Variants in SLC38A11 observed in about 807,000 individuals in gnomAD.
The protein encoded by SLC38A11 is putative sodium-coupled neutral amino acid transporter 11.
In SLC38A11, 51 loss-of-function variants were observed where a neutral mutation model predicts 49.4. The observed-to-expected ratio is 1.03, with a 90% CI of 0.83 to 1.30. SLC38A11 has a LOEUF of 1.30. Ranked by LOEUF, SLC38A11 falls within the 50% of genes most tolerant of loss-of-function variation. The pLI is 0.00. For synonymous variants in SLC38A11, 203 were observed against 192.9 expected (o/e 1.05, Z -0.43); for missense variants, 574 against 556.2 (o/e 1.03, Z -0.32).
Position 164,944,574 on chromosome 2 carries a change from G to A in SLC38A11, c.425C>T (p.Pro142Leu), listed in dbSNP as rs1687983845. ...CAATTTTTATTTTGGCTTACCTCCT[G>A]GGATTCTTTGAAAAACTTTGCTCAA... is the stretch of plus-strand genomic sequence containing the variant. ...DTLSKVFQRI[P>L]GVDPENVFIG... The change falls in exon 5 of 12, where the codon CCA (proline) becomes CTA (leucine). Residue 142 changes from proline (P) to leucine (L), a missense_variant. Physicochemically the swap from Pro to Leu is moderately conservative, Grantham distance 98. Coordinates refer to ENST00000685975, the MANE Select transcript of SLC38A11 (RefSeq NM_001351537.2). 2 of 1,328,004 alleles carry A rather than the reference G, an allele frequency of 1.5e-6. No individual in the cohort carries two copies. Among genetic ancestry groups the A allele is most frequent in the African/African-American group, 1.5e-5 (1 of 66,298 alleles). 82.3% of individuals were successfully genotyped at this position (1,328,004 alleles called of 1,614,324 possible).
rs200284770 is a variant in SLC38A11, at chr2:164,947,117, C to CTTTTTTTT, written c.230-1398_230-1391dup. ...CCTGGATTCTTGGACTTTTTTATCT[C>CTTTTTTTT]TTTTTTTTTTTTTTTTTTTTTTTTT... On this transcript the variant is annotated intron_variant, in intron 3 of 11. Coordinates refer to ENST00000685975, the MANE Select transcript of SLC38A11 (RefSeq NM_001351537.2). Among the ~76,000 whole-genome samples the CTTTTTTTT allele has an allele frequency of 4.0e-3, 291 of 72,844 alleles. 52 individuals carry two copies. The highest frequency in any genetic ancestry group is 0.018 in the African/African-American group (233 of 12,956). 47.8% of individuals were successfully genotyped at this position (72,844 alleles called of 152,430 possible). A position where few individuals can be genotyped will look rare whatever the true frequency, so the allele number is the denominator to read the frequency against.
intron 7 of SLC38A11, among the ~76,000 whole-genome samples, chr2:164,926,064 C>A (rs1289809683): frequency 6.6e-6 from 1 of 152,112 alleles, no homozygotes; most frequent in Non-Finnish European, 1.5e-5. Context: ...CCAGTCTTAT[C>A]CTTATATCAT....
intron 11 of SLC38A11, among the ~76,000 whole-genome samples, chr2:164,899,890 T>C (rs773849944): frequency 2.0e-5 from 3 of 152,086 alleles, no homozygotes; most frequent in Non-Finnish European, 4.4e-5. Context: ...TCTGTAGACT[T>C]GTTCATCCTA....
chr2:164,946,798 T>C (rs145247206), intron 3 of SLC38A11, among the ~76,000 whole-genome samples: 29 of 152,230 alleles, frequency 1.9e-4, no homozygotes, highest in East Asian at 3.9e-4. Flanking sequence ...AATATGGAAA[T>C]GCATTAAAAT....
chr2:164,901,420 T>C (rs1394621894), intron 11 of SLC38A11, among the ~76,000 whole-genome samples: 1 of 152,166 alleles, frequency 6.6e-6, no homozygotes, highest in Non-Finnish European at 1.5e-5. Context: ...CATTTATTTG[T>C]GTCTTTTTCA....
At chr2:164,901,411 A>G (rs1684643620) in intron 11 of SLC38A11, among the ~76,000 whole-genome samples, 1 of 151,930 alleles carries the variant, frequency 6.6e-6, no homozygotes, top group Non-Finnish European at 1.5e-5. Flanking sequence ...TATATGTTCC[A>G]TTTATTTGTG....
At position 164,898,654 on chromosome 2, in the gene SLC38A11, G is replaced by A. The variant is rs1193780760; in HGVS notation, c.1172C>T (p.Thr391Ile). 3 of 1,613,380 alleles carry A rather than the reference G, an allele frequency of 1.9e-6. No homozygotes were observed. In the African/African-American group the frequency reaches 4.0e-5, roughly 22 times the overall value. Residue 391 changes from threonine (T) to isoleucine (I), a missense_variant, in exon 12 of 12, where the codon ACA becomes ATA. Transcript: ENST00000685975. ...CYLKLSEEPRTHSDKIMSCVM... is the reference protein window; with the variant it reads ...CYLKLSEEPRIHSDKIMSCVM... ...ACAAGACATAATCTTATCGGAGTGT[G>A]TCCTTGGTTCTTCAGACAGTTTCAG...
intron 3 of SLC38A11, 73 bp downstream of exon 3, chr2:164,952,628 ATGTGTG>A (rs35633373): frequency 3.6e-5 from 29 of 812,222 alleles, no homozygotes; most frequent in South Asian, 5.9e-5. Flanking sequence ...CAGTTGCAGC[ATGTGTG>A]TGTGTGTGTG....
At chr2:164,923,148 C>T (rs557655069) in intron 7 of SLC38A11, among the ~76,000 whole-genome samples, 1 of 152,302 alleles carries the variant, frequency 6.6e-6, no homozygotes, top group South Asian at 2.1e-4. Context: ...AAATACCCTT[C>T]CCGACATTGG....
At chr2:164,941,398 T>G (rs1456637249) in intron 5 of SLC38A11, among the ~76,000 whole-genome samples, 2 of 152,058 alleles carry the variant, frequency 1.3e-5, no homozygotes, top group Admixed American at 6.6e-5. Flanking sequence ...AAATAGAGCT[T>G]TGGTAAGAAT....
chr2:164,921,897 G>A (rs147174331), intron 7 of SLC38A11, among the ~76,000 whole-genome samples: 14 of 152,208 alleles, frequency 9.2e-5, no homozygotes, highest in African/African-American at 3.1e-4. Context: ...CCTTACCCTG[G>A]AAAATCTAAA....
intron 11 of SLC38A11, among the ~76,000 whole-genome samples, chr2:164,900,354 T>A (rs1275424625): frequency 6.6e-6 from 1 of 152,076 alleles, no homozygotes; most frequent in Admixed American, 6.6e-5. Flanking sequence ...GTTCTATTTT[T>A]AATTTCTTTA....
chr2:164,953,681 C>T (rs1052601148), intron 2 of SLC38A11, among the ~76,000 whole-genome samples: 1 of 151,566 alleles, frequency 6.6e-6, no homozygotes, highest in Non-Finnish European at 1.5e-5. Context: ...AAATCAAGAA[C>T]CATATTAACT....
In SLC38A11 at chr2:164,910,078, AT is replaced by A. The variant is rs201629592; in HGVS notation, c.964-1308del. Reference sequence around the variant, plus strand: ...TTATGAATTGAAACAGTTTGATTATATTTTTGTCAGTCATACATTTGTGTGT... The same window carrying A: ...TTATGAATTGAAACAGTTTGATTATATTTTGTCAGTCATACATTTGTGTGT... On this transcript the variant is annotated intron_variant, in intron 10 of 11. Coordinates refer to ENST00000685975, the MANE Select transcript of SLC38A11 (RefSeq NM_001351537.2). Among the ~76,000 whole-genome samples the A allele has an allele frequency of 2.4e-3, 368 of 152,072 alleles. 4 individuals are homozygous for A. The East Asian group carries it at 0.03, about 12-fold the overall frequency.
At chr2:164,899,686 G>A (rs921613056) in intron 11 of SLC38A11, among the ~76,000 whole-genome samples, 27 of 151,930 alleles carry the variant, frequency 1.8e-4, no homozygotes, top group Non-Finnish European at 3.4e-4. Context: ...ATTTTATTGT[G>A]TATATTTGAG....
rs72884436 is a variant in SLC38A11 at position 164,905,293 on chromosome 2, C to T, written c.1095+3347G>A. On this transcript the variant is annotated intron_variant, in intron 11 of 11. Transcript: ENST00000685975. ...CCACCACACCCAGCTAATATTTTCT[C>T]TTTTTTTTGGTATTTTTTAGTAGAG... 7.9e-5 allele frequency among the ~76,000 whole-genome samples: 12 copies of T among 151,438 alleles called. No homozygotes were observed. In the South Asian group the frequency reaches 8.3e-4, roughly 11 times the overall value.
chr2:164,917,917 AT>A (rs1455401116), intron 7 of SLC38A11, among the ~76,000 whole-genome samples: 5 of 152,122 alleles, frequency 3.3e-5, no homozygotes, highest in Non-Finnish European at 7.4e-5. Flanking sequence ...GTTCATCATA[AT>A]GATGATGATT....
chr2:164,946,566 A>C (rs1002274541), intron 3 of SLC38A11, among the ~76,000 whole-genome samples: 1 of 54,346 alleles, frequency 1.8e-5, no homozygotes, highest in Non-Finnish European at 5.8e-5. Flanking sequence ...CTCCCTCTCA[A>C]AAAAAAAAAA....
At chr2:164,936,505 T>C (rs1228096360) in intron 7 of SLC38A11, among the ~76,000 whole-genome samples, 3 of 152,184 alleles carry the variant, frequency 2.0e-5, no homozygotes, top group African/African-American at 7.2e-5. Flanking sequence ...GTGCTAAATA[T>C]TACATCTTAA....
Sources: allele counts gnomAD v4.1 joint callset (sites outside exome capture counted in the v4.1 genomes callset), GRCh38; gene constraint gnomAD v4.1.1; transcripts MANE v1.5; gene names NCBI Gene and HGNC (gene_info 2026-07-23, HGNC 2026-07-21).